The following PPFIA2 variants were observed in gnomAD, a reference collection of about 807,000 sequenced individuals.
The protein encoded by PPFIA2 is PPFI scaffold protein A2, also known as liprin-alpha-2.
Under a neutral mutation model 175.5 loss-of-function variants are expected in PPFIA2, and 46 were observed. That is an observed-to-expected ratio of 0.26 (90% CI 0.21 to 0.34). The LOEUF (loss-of-function observed/expected upper bound fraction) is 0.34. Among genes scored for constraint, PPFIA2 ranks in the 10% least tolerant of loss-of-function variants. The pLI, the probability that PPFIA2 is intolerant of heterozygous loss-of-function variation, is 1.00. For missense variants in PPFIA2, 1,179 were observed against 1,506.1 expected (o/e 0.78, Z 3.60); for synonymous variants, 568 against 511.4 (o/e 1.11, Z -1.49).
chr12:81,371,304 A>C (rs377654760), intron 11 of PPFIA2, among the ~76,000 whole-genome samples: 145,015 of 145,280 alleles, frequency 1, 72,375 homozygotes, highest in Middle Eastern at 1. Context: ...AATTTAAATA[A>C]TATTATTTAA....
At chr12:81,631,613 G>C (rs1191787935) in intron 4 of PPFIA2, among the ~76,000 whole-genome samples, 1 of 152,060 alleles carries the variant, frequency 6.6e-6, no homozygotes, top group Non-Finnish European at 1.5e-5. Context: ...TTGATACATG[G>C]GGATCTAACT....
intron 4 of PPFIA2, among the ~76,000 whole-genome samples, chr12:81,511,697 C>CA (rs2061819211): frequency 1.3e-5 from 2 of 151,910 alleles, no homozygotes; most frequent in African/African-American, 2.4e-5. Flanking sequence ...ATGCTCGGTA[C>CA]AAAAAAGAAA....
At chr12:81,539,063 TGAAA>T (rs550113172) in intron 4 of PPFIA2, among the ~76,000 whole-genome samples, 103 of 152,058 alleles carry the variant, frequency 6.8e-4, no homozygotes, top group African/African-American at 2.3e-3. Flanking sequence ...TTGTATTGTG[TGAAA>T]GAGAGAACTC....
intron 4 of PPFIA2, among the ~76,000 whole-genome samples, chr12:81,666,778 A>G (rs1029780859): frequency 6.6e-6 from 1 of 152,098 alleles, no homozygotes; most frequent in Admixed American, 6.6e-5. Flanking sequence ...TAAAAAAAAG[A>G]AAAAGAAATA....
At chr12:81,531,413 A>C (rs1192082681) in intron 4 of PPFIA2, among the ~76,000 whole-genome samples, 1 of 151,780 alleles carries the variant, frequency 6.6e-6, no homozygotes, top group African/African-American at 2.4e-5. Context: ...CACATGCAGA[A>C]AAAAGGAAAC....
intron 4 of PPFIA2, among the ~76,000 whole-genome samples, chr12:81,591,667 G>A (rs2153444434): frequency 6.6e-6 from 1 of 152,250 alleles, no homozygotes; most frequent in Non-Finnish European, 1.5e-5. Context: ...TGCTTCAGAG[G>A]GTGGAAGCCT....
In PPFIA2 at chr12:81,642,676, T is replaced by TATATATTATATACATAC. The variant is rs1567686238; in HGVS notation, c.303+34114_303+34115insGTATGTATATAATATAT. Among the ~76,000 whole-genome samples the TATATATTATATACATAC allele has an allele frequency of 1.5e-3, 91 of 62,496 alleles. 20 individuals are homozygous for TATATATTATATACATAC. Among genetic ancestry groups the TATATATTATATACATAC allele is most frequent in the Non-Finnish European group, 3.4e-3 (78 of 22,894 alleles). The allele number at this position is 62,496 out of a possible 152,430, so 41.0% of individuals were successfully genotyped here. On this transcript the variant is annotated intron_variant, in intron 4 of 32. Coordinates refer to ENST00000549396, the MANE Select transcript of PPFIA2 (RefSeq NM_003625.5). ...TATGTATCTATTATATACATACATG[T>TATATATTATATACATAC]ATGTATCTATTATATACATACATGT...
In PPFIA2 at chr12:81,642,796, T is replaced by TGTATTATATACATAC. The variant is rs2065435057; in HGVS notation, c.303+33994_303+33995insGTATGTATATAATAC. 6.3e-4 allele frequency among the ~76,000 whole-genome samples: 19 copies of TGTATTATATACATAC among 30,316 alleles called. 6 individuals are homozygous for TGTATTATATACATAC. The highest frequency in any genetic ancestry group is 2.4e-3 in the African/African-American group (15 of 6,168). 19.9% of individuals were successfully genotyped at this position (30,316 alleles called of 152,430 possible). On this transcript the variant is annotated intron_variant, in intron 4 of 32. Coordinates refer to ENST00000549396, the MANE Select transcript of PPFIA2 (RefSeq NM_003625.5). ...TGTATGTATTATATACATACATGTA[T>TGTATTATATACATAC]ATGTATGTATGTATTACATACATGT...
intron 21 of PPFIA2, among the ~76,000 whole-genome samples, chr12:81,330,889 T>G (rs1003201702): frequency 6.6e-6 from 1 of 152,226 alleles, no homozygotes; most frequent in Non-Finnish European, 1.5e-5. Context: ...CTATACACAG[T>G]GCCTGGCTCA....
intron 3 of PPFIA2, among the ~76,000 whole-genome samples, chr12:81,716,038 A>G (rs2078573231): frequency 6.6e-6 from 1 of 151,596 alleles, no homozygotes; most frequent in East Asian, 1.9e-4. Flanking sequence ...AACATGTAAT[A>G]TTCATATAGT....
intron 11 of PPFIA2, chr12:81,369,432 C>A: frequency 6.0e-6 from 8 of 1,337,828 alleles, no homozygotes; most frequent in Non-Finnish European, 7.7e-6. Flanking sequence ...ATGAAATCAG[C>A]CAAATGTAAC....
chr12:81,678,086 G>T (rs988620112), intron 3 of PPFIA2, among the ~76,000 whole-genome samples: 3 of 151,772 alleles, frequency 2.0e-5, no homozygotes, highest in African/African-American at 7.3e-5. Context: ...AAATCGAATG[G>T]TTACACTTCT....
At chr12:81,651,531 C>T (rs958483637) in intron 4 of PPFIA2, among the ~76,000 whole-genome samples, 13 of 152,054 alleles carry the variant, frequency 8.5e-5, no homozygotes, top group Non-Finnish European at 1.5e-4. Flanking sequence ...CTCTTTCCCT[C>T]TACTTGACTC....
At chr12:81,602,999 C>T (rs917286065) in intron 4 of PPFIA2, among the ~76,000 whole-genome samples, 1 of 151,770 alleles carries the variant, frequency 6.6e-6, no homozygotes, top group Non-Finnish European at 1.5e-5. Flanking sequence ...GTGCTGCTTA[C>T]ACAATATGGC....
chr12:81,426,418 T>G (rs958410040), intron 7 of PPFIA2, among the ~76,000 whole-genome samples: 6 of 152,164 alleles, frequency 3.9e-5, no homozygotes, highest in Non-Finnish European at 7.3e-5. Context: ...AGTGATTTAT[T>G]GAACCTAAGG....
chr12:81,429,399 T>C lies in PPFIA2; in HGVS notation c.645+10573A>G, dbSNP rs934215683. ...CTTTCTACTCACAGATATGGCAGTT[T>C]TAATTTGAAGAGAAAACTGACTTAG... On this transcript the variant is annotated intron_variant, in intron 7 of 32. Transcript: ENST00000549396. Among the ~76,000 whole-genome samples, 9 of 152,056 alleles carry C rather than the reference T, an allele frequency of 5.9e-5. No homozygotes were observed. The East Asian group carries it at 1.5e-3, about 26-fold the overall frequency.
intron 5 of PPFIA2, among the ~76,000 whole-genome samples, chr12:81,456,475 T>A (rs1014186760): frequency 1.3e-5 from 2 of 152,150 alleles, no homozygotes; most frequent in East Asian, 3.9e-4. Context: ...AGCAACCCTA[T>A]CTCTCATTAA....
intron 4 of PPFIA2, among the ~76,000 whole-genome samples, chr12:81,520,035 T>TC (rs1357476024): frequency 6.6e-6 from 1 of 152,242 alleles, no homozygotes; most frequent in East Asian, 1.9e-4. Context: ...TGCACTGTTT[T>TC]CACACTTCTC....
At chr12:81,340,431 T>C (rs1006582535) in intron 20 of PPFIA2, among the ~76,000 whole-genome samples, 2 of 152,136 alleles carry the variant, frequency 1.3e-5, no homozygotes, top group Non-Finnish European at 2.9e-5. Context: ...ATTTCAGATA[T>C]AAACTACATG....
Sources: gnomAD v4.1 joint callset for allele counts (sites outside exome capture counted in the v4.1 genomes callset) on GRCh38, gnomAD v4.1.1 for gene constraint, MANE v1.5 for transcripts, NCBI Gene and HGNC (gene_info 2026-07-23, HGNC 2026-07-21) for gene names.